The following CCDC93 variants were observed in gnomAD, a reference collection of about 807,000 sequenced individuals.
CCDC93 encodes the protein coiled-coil domain-containing protein 93.
In CCDC93, 61 loss-of-function variants were observed where a neutral mutation model predicts 108.2. The observed-to-expected ratio is 0.56, with a 90% CI of 0.46 to 0.70. The LOEUF is 0.70. Among genes scored for constraint, CCDC93 ranks in the 30% least tolerant of loss-of-function variants. CCDC93 has a pLI of 0.00. For synonymous variants in CCDC93, 276 were observed against 260.4 expected (o/e 1.06, Z -0.58); for missense variants, 685 against 764.2 (o/e 0.90, Z 1.22).
At chr2:117,974,749 T>TG in intron 10 of CCDC93, 101 bp downstream of exon 10, 1 of 819,280 alleles carries the variant, frequency 1.2e-6, no homozygotes, top group South Asian at 1.5e-5. Flanking sequence ...TGTGTGCTGG[T>TG]GAGAGGCAGC....
At chr2:117,969,025 C>T (rs542128676) in intron 11 of CCDC93, among the ~76,000 whole-genome samples, 54 of 152,332 alleles carry the variant, frequency 3.5e-4, no homozygotes, top group Middle Eastern at 3.4e-3. Context: ...ATGATTCCCA[C>T]CTGCTGATGT....
chr2:117,920,906 G>A (rs1677838797), intron 23 of CCDC93, among the ~76,000 whole-genome samples: 2 of 152,162 alleles, frequency 1.3e-5, no homozygotes, highest in South Asian at 4.1e-4. Context: ...TAATGGGGCC[G>A]GGCGCAGTGG....
At position 117,996,368 on chromosome 2, in the gene CCDC93, G is replaced by A; in HGVS notation, c.364-6C>T. The A allele has an allele frequency of 1.2e-6, 2 of 1,602,258 alleles. No individual in the cohort carries two copies. Among genetic ancestry groups the A allele is most frequent in the Non-Finnish European group, 8.6e-7 (1 of 1,169,320 alleles). On this transcript the variant is annotated splice_region_variant and splice_polypyrimidine_tract_variant and intron_variant, in intron 4 of 23. Coordinates refer to ENST00000376300, the MANE Select transcript of CCDC93 (RefSeq NM_019044.5). ...ATAGCTCGTTTCACCAGCCACTGGG[G>A]AAGAAAGTGAAAAGACAAGAGTTGC...
chr2:117,932,605 G>A, intron 22 of CCDC93, among the ~76,000 whole-genome samples: 1 of 152,202 alleles, frequency 6.6e-6, no homozygotes, highest in East Asian at 1.9e-4. Flanking sequence ...TAGGTCTCCA[G>A]TTTGGTGCCC....
chr2:117,948,012 G>T, intron 15 of CCDC93, 93 bp downstream of exon 15: 2 of 1,025,016 alleles, frequency 2.0e-6, no homozygotes, highest in Non-Finnish European at 3.0e-6. Flanking sequence ...TTTTTAAACT[G>T]CACTGGATAG....
At chr2:117,947,590 C>G (rs1213951218) in intron 15 of CCDC93, among the ~76,000 whole-genome samples, 1 of 151,984 alleles carries the variant, frequency 6.6e-6, no homozygotes, top group Non-Finnish European at 1.5e-5. Flanking sequence ...TTTCAAATAC[C>G]AAAGTTAGGT....
At chr2:117,957,160 G>C (rs1679247436) in intron 12 of CCDC93, among the ~76,000 whole-genome samples, 1 of 152,030 alleles carries the variant, frequency 6.6e-6, no homozygotes, top group Non-Finnish European at 1.5e-5. Flanking sequence ...CAAAGTGCTG[G>C]GATTACAGGC....
intron 8 of CCDC93, among the ~76,000 whole-genome samples, chr2:117,976,647 C>T (rs1679951975): frequency 6.6e-6 from 1 of 152,188 alleles, no homozygotes; most frequent in Non-Finnish European, 1.5e-5. Context: ...TGACTGCCCC[C>T]ATTTTACAGA....
chr2:118,012,825 T>C (rs1331792069), intron 1 of CCDC93: 1 of 152,222 alleles, frequency 6.6e-6, no homozygotes, highest in Non-Finnish European at 1.5e-5. Flanking sequence ...TCAGACTATA[T>C]ATATTCCCAG....
At chr2:117,966,843 C>G (rs1308593551) in intron 11 of CCDC93, among the ~76,000 whole-genome samples, 1 of 152,192 alleles carries the variant, frequency 6.6e-6, no homozygotes, top group East Asian at 1.9e-4. Flanking sequence ...GGCAATGGTG[C>G]CAGAATTTCT....
At chr2:117,923,663 T>A (rs1677968417) in intron 23 of CCDC93, among the ~76,000 whole-genome samples, 1 of 116,834 alleles carries the variant, frequency 8.6e-6, no homozygotes, top group South Asian at 2.8e-4. Flanking sequence ...GAGGCCTGCC[T>A]GCCTGCCTGC....
intron 8 of CCDC93, among the ~76,000 whole-genome samples, chr2:117,977,096 C>G (rs1415950848): frequency 6.6e-6 from 1 of 151,850 alleles, no homozygotes; most frequent in Non-Finnish European, 1.5e-5. Flanking sequence ...CCACCACTCC[C>G]GGAGAATGTT....
At chr2:117,977,380 A>G (rs1679976230) in intron 8 of CCDC93, among the ~76,000 whole-genome samples, 1 of 152,228 alleles carries the variant, frequency 6.6e-6, no homozygotes, top group Non-Finnish European at 1.5e-5. Flanking sequence ...CATCCTCCTC[A>G]TAGAGTTGTT....
At chr2:118,008,891 G>A (rs535490358) in intron 1 of CCDC93, 2 of 496,262 alleles carry the variant, frequency 4.0e-6, no homozygotes, top group East Asian at 7.2e-5. Context: ...ATAGCTGAGG[G>A]AGACACATGC....
chr2:117,983,000 G>A (rs1437214593), intron 7 of CCDC93, among the ~76,000 whole-genome samples: 1 of 152,184 alleles, frequency 6.6e-6, no homozygotes, highest in Non-Finnish European at 1.5e-5. Flanking sequence ...TGAATTAAAG[G>A]CACTTGAAGG....
intron 18 of CCDC93, among the ~76,000 whole-genome samples, chr2:117,942,892 C>T (rs1161816389): frequency 1.3e-5 from 2 of 152,246 alleles, no homozygotes; most frequent in Admixed American, 6.5e-5. Flanking sequence ...ATTTATTATA[C>T]TCCTCTCGCC....
At chr2:117,951,935 A>G (rs1679068953) in intron 13 of CCDC93, among the ~76,000 whole-genome samples, 3 of 152,224 alleles carry the variant, frequency 2.0e-5, no homozygotes, top group Middle Eastern at 3.4e-3. Context: ...GAAATTCTGA[A>G]CAATTATATC....
intron 6 of CCDC93, among the ~76,000 whole-genome samples, chr2:117,990,864 C>G (rs1462621633): frequency 6.6e-6 from 1 of 151,950 alleles, no homozygotes; most frequent in African/African-American, 2.4e-5. Context: ...ATATTCACAA[C>G]TCTTTATTTC....
chr2:117,995,591 C>A, intron 5 of CCDC93, 89 bp from the exon 6 acceptor site: 1 of 989,288 alleles, frequency 1.0e-6, no homozygotes, highest in South Asian at 1.4e-5. Context: ...AAATTGACTT[C>A]TCATCTCATC....
Sources: allele counts gnomAD v4.1 joint callset (sites outside exome capture counted in the v4.1 genomes callset), GRCh38; gene constraint gnomAD v4.1.1; transcripts MANE v1.5; gene names NCBI Gene and HGNC (gene_info 2026-07-23, HGNC 2026-07-21).